OSBPL8: variants seen among roughly 807,000 people sequenced by gnomAD.
The protein encoded by OSBPL8 is oxysterol-binding protein-related protein 8.
In OSBPL8, 59 loss-of-function variants were observed where a neutral mutation model predicts 125.5. The ratio of observed to expected loss-of-function variants is 0.47; its 90% CI spans 0.38 to 0.58. OSBPL8 has a LOEUF of 0.58. Ranked by LOEUF, OSBPL8 falls within the 20% of genes least tolerant of loss-of-function variation. The pLI, the probability that OSBPL8 is intolerant of heterozygous loss-of-function variation, is 0.00. For synonymous variants in OSBPL8, 330 were observed against 338.9 expected (o/e 0.97, Z 0.29); for missense variants, 758 against 1,047.8 (o/e 0.72, Z 3.82).
intron 1 of OSBPL8, among the ~76,000 whole-genome samples, chr12:76,491,131 T>C (rs1878668549): frequency 6.6e-6 from 1 of 152,146 alleles, no homozygotes; most frequent in Non-Finnish European, 1.5e-5. Flanking sequence ...GCTGAGTAAA[T>C]GAGGCACCCC....
At chr12:76,554,717 A>G (rs1951044827) in intron 1 of OSBPL8, among the ~76,000 whole-genome samples, 1 of 152,212 alleles carries the variant, frequency 6.6e-6, no homozygotes, top group African/African-American at 2.4e-5. Flanking sequence ...AGTTTTCAAA[A>G]ACTCTAAATC....
At chr12:76,546,573 T>A (rs1397418965) in intron 1 of OSBPL8, among the ~76,000 whole-genome samples, 1 of 152,126 alleles carries the variant, frequency 6.6e-6, no homozygotes, top group Non-Finnish European at 1.5e-5. Context: ...AATCTGATGT[T>A]TGAAGATTCT....
chr12:76,365,720 T>C (rs180830748), intron 21 of OSBPL8, among the ~76,000 whole-genome samples: 1 of 152,308 alleles, frequency 6.6e-6, no homozygotes. Flanking sequence ...GAATCTACTA[T>C]TTGTGGGTTT....
chr12:76,547,355 A>T (rs549941160), intron 1 of OSBPL8, among the ~76,000 whole-genome samples: 2 of 152,352 alleles, frequency 1.3e-5, no homozygotes, highest in African/African-American at 4.8e-5. Context: ...CCTGAAGATT[A>T]TGAAAAGGAG....
At chr12:76,407,688 T>C (rs1396658452) in intron 5 of OSBPL8, among the ~76,000 whole-genome samples, 1 of 152,238 alleles carries the variant, frequency 6.6e-6, no homozygotes, top group Non-Finnish European at 1.5e-5. Flanking sequence ...ATTTTACTTA[T>C]ATACCAAATA....
chr12:76,460,303 T>C (rs548146017), intron 2 of OSBPL8, among the ~76,000 whole-genome samples: 1 of 152,204 alleles, frequency 6.6e-6, no homozygotes, highest in African/African-American at 2.4e-5. Flanking sequence ...GGTTTAAAAC[T>C]ATATAACACC....
chr12:76,554,668 AT>A (rs1951042984), intron 1 of OSBPL8, among the ~76,000 whole-genome samples: 1 of 152,214 alleles, frequency 6.6e-6, no homozygotes, highest in South Asian at 2.1e-4. Context: ...CACATTAGCT[AT>A]TAATATGACC....
intron 21 of OSBPL8, chr12:76,366,683 T>G (rs1249353203): frequency 6.0e-6 from 2 of 333,178 alleles, no homozygotes; most frequent in Non-Finnish European, 1.2e-5. Context: ...ATATATATTT[T>G]CCTTACCTTT....
chr12:76,429,543 T>G (rs940648309), intron 4 of OSBPL8, among the ~76,000 whole-genome samples: 1 of 152,120 alleles, frequency 6.6e-6, no homozygotes, highest in Non-Finnish European at 1.5e-5. Flanking sequence ...CACAAAAATC[T>G]ATTTAACTAA....
At chr12:76,362,615 C>T (rs1470370050) in intron 21 of OSBPL8, among the ~76,000 whole-genome samples, 4 of 152,162 alleles carry the variant, frequency 2.6e-5, no homozygotes, top group African/African-American at 7.2e-5. Flanking sequence ...TCTTTGAAAA[C>T]CAGCACAAGA....
At chr12:76,389,585 T>A in intron 12 of OSBPL8, 60 bp downstream of exon 12, 1 of 1,279,554 alleles carries the variant, frequency 7.8e-7, no homozygotes. Context: ...AAAATAGCAT[T>A]CTTGAGAATT....
chr12:76,403,423 T>C (rs942824671), intron 5 of OSBPL8, among the ~76,000 whole-genome samples: 1 of 152,184 alleles, frequency 6.6e-6, no homozygotes, highest in Non-Finnish European at 1.5e-5. Context: ...ACAGATTGTT[T>C]AATCTCCATT....
At position 76,487,600 on chromosome 12, in the gene OSBPL8, T is replaced by C. The variant is rs1878294731; in HGVS notation, c.-49A>G. On this transcript the variant is annotated 5_prime_UTR_variant, in exon 2 of 24. The change abolishes an upstream ATG in the 5' untranslated region. Transcript: ENST00000261183. Reference sequence around the variant, plus strand: ...TTCTCTTTCCATTAATGTGCAGCCATTCTGTAAATCTGCAAATCCTAAAAT... The same window carrying C: ...TTCTCTTTCCATTAATGTGCAGCCACTCTGTAAATCTGCAAATCCTAAAAT... The C allele has an allele frequency of 6.7e-7, 1 of 1,501,610 alleles. No individual in the cohort carries two copies. Among genetic ancestry groups the C allele is most frequent in the Non-Finnish European group, 9.0e-7 (1 of 1,110,640 alleles). The allele number at this position is 1,501,610 out of a possible 1,614,324, so 93.0% of individuals were successfully genotyped here.
chr12:76,363,102 C>T lies in OSBPL8; in HGVS notation c.2329-4291G>A, dbSNP rs183344945. Among the ~76,000 whole-genome samples, 15 of 152,326 alleles carry T rather than the reference C, an allele frequency of 9.8e-5. No homozygotes were observed. The South Asian group carries it at 1.0e-3, about 11-fold the overall frequency. ...AATCAATATCGTGAAAATGGCCATA[C>T]GGCCATAAGTAATTTACAGATTCAG... On this transcript the variant is annotated intron_variant, in intron 21 of 23. Coordinates refer to ENST00000261183, the MANE Select transcript of OSBPL8 (RefSeq NM_020841.5).
At chr12:76,508,388 A>C (rs1191438168) in intron 1 of OSBPL8, among the ~76,000 whole-genome samples, 1 of 152,192 alleles carries the variant, frequency 6.6e-6, no homozygotes, top group Non-Finnish European at 1.5e-5. Context: ...CAGTGGTCTC[A>C]TTAAGATTTA....
rs189354252 is a variant in OSBPL8 at position 76,516,369 on chromosome 12, G to C, written c.-67-28751C>G. The stretch of plus-strand genomic sequence containing the variant: ...CCTAGCCTCTTCTCCACAATTAACT[G>C]TTCTAGTCAAAACTCCATATTCTTG... On this transcript the variant is annotated intron_variant, in intron 1 of 23. Coordinates refer to ENST00000261183, the MANE Select transcript of OSBPL8 (RefSeq NM_020841.5). Among the ~76,000 whole-genome samples the C allele has an allele frequency of 2.6e-5, 4 of 152,292 alleles. No homozygotes were observed. The East Asian group carries it at 7.7e-4, about 29-fold the overall frequency.
At chr12:76,548,450 AACT>A (rs1202712517) in intron 1 of OSBPL8, among the ~76,000 whole-genome samples, 5 of 152,200 alleles carry the variant, frequency 3.3e-5, no homozygotes, top group Admixed American at 1.3e-4. Flanking sequence ...TTACTTGACT[AACT>A]ATAAGGGACA....
At chr12:76,410,881 C>T (rs955479734) in intron 4 of OSBPL8, among the ~76,000 whole-genome samples, 1 of 152,170 alleles carries the variant, frequency 6.6e-6, no homozygotes, top group Non-Finnish European at 1.5e-5. Context: ...TCCTGCAGAA[C>T]TCTGCATAAA....
intron 4 of OSBPL8, among the ~76,000 whole-genome samples, chr12:76,414,955 C>T (rs542240682): frequency 1.3e-5 from 2 of 152,150 alleles, no homozygotes; most frequent in Non-Finnish European, 2.9e-5. Flanking sequence ...AGATTTTCAT[C>T]CAACTTAGTC....
Sources: allele counts gnomAD v4.1 joint callset (sites outside exome capture counted in the v4.1 genomes callset), GRCh38; gene constraint gnomAD v4.1.1; transcripts MANE v1.5; gene names NCBI Gene and HGNC (gene_info 2026-07-23, HGNC 2026-07-21).